Variants in PACRG observed in about 807,000 individuals in gnomAD.
The protein encoded by PACRG is parkin coregulated gene protein.
PACRG carries 29 observed loss-of-function variants against 29.7 expected under a neutral mutation model. That is an observed-to-expected ratio of 0.98 (90% CI 0.73 to 1.33). The LOEUF (loss-of-function observed/expected upper bound fraction) is 1.33, where lower values mean the gene tolerates loss of function less well. Ranked by LOEUF, PACRG falls within the 40% of genes most tolerant of loss-of-function variation. The pLI is 0.00. For synonymous variants in PACRG, 116 were observed against 118.7 expected (o/e 0.98, Z 0.15); for missense variants, 279 against 316.2 (o/e 0.88, Z 0.89).
chr6:163,217,075 G>T (rs929813392), intron 4 of PACRG, among the ~76,000 whole-genome samples: 4 of 152,218 alleles, frequency 2.6e-5, no homozygotes, highest in Non-Finnish European at 4.4e-5. Context: ...AACTTCCGTT[G>T]AGTCCTAATA....
chr6:162,796,259 CT>C (rs1424366757), intron 1 of PACRG, among the ~76,000 whole-genome samples: 1 of 152,108 alleles, frequency 6.6e-6, no homozygotes, highest in Non-Finnish European at 1.5e-5. Flanking sequence ...CATTTTCAAT[CT>C]CTCTGGGTCA....
At chr6:163,002,772 T>C (rs543299525) in intron 2 of PACRG, among the ~76,000 whole-genome samples, 1 of 152,202 alleles carries the variant, frequency 6.6e-6, no homozygotes, top group South Asian at 2.1e-4. Flanking sequence ...GAAAGTGTTT[T>C]CTTGCATTCA....
intron 4 of PACRG, among the ~76,000 whole-genome samples, chr6:163,312,621 G>T (rs1247816892): frequency 6.6e-6 from 1 of 151,416 alleles, no homozygotes; most frequent in Non-Finnish European, 1.5e-5. Flanking sequence ...CAGAAAAACC[G>T]GTGGACTTCA....
chr6:162,832,813 CT>C (rs11310965), intron 2 of PACRG, among the ~76,000 whole-genome samples: 70,427 of 144,176 alleles, frequency 0.49, 17,866 homozygotes, highest in African/African-American at 0.7. Flanking sequence ...TAAAAGCAGT[CT>C]TTTTTTTTTT....
At chr6:162,948,240 A>G (rs546939232) in intron 2 of PACRG, among the ~76,000 whole-genome samples, 1 of 152,256 alleles carries the variant, frequency 6.6e-6, no homozygotes, top group African/African-American at 2.4e-5. Flanking sequence ...AAATAAATCT[A>G]TGTGTTTACA....
intron 1 of PACRG, among the ~76,000 whole-genome samples, chr6:162,747,007 G>T (rs1023464668): frequency 2.6e-5 from 4 of 151,992 alleles, no homozygotes; most frequent in Non-Finnish European, 5.9e-5. Context: ...AACCAGAAAT[G>T]TTGGGAGGTG....
Position 163,062,313 on chromosome 6 carries a change from C to A in PACRG, c.455C>A (p.Pro152Gln). 2 of 1,607,804 alleles carry A rather than the reference C, an allele frequency of 1.2e-6. No individual in the cohort carries two copies. Among genetic ancestry groups the A allele is most frequent in the Non-Finnish European group, 1.7e-6 (2 of 1,178,010 alleles). The change falls in exon 3 of 5, where the codon CCG (proline) becomes CAG (glutamine). Residue 152 changes from proline to glutamine, a missense_variant. By Grantham distance (76) the Pro-to-Gln change is moderately conservative. Coordinates refer to ENST00000366888, the MANE Select transcript of PACRG (RefSeq NM_001080379.2). Reference protein sequence around the residue: ...ILPVLPQLIIPIKNALNLRNR... With the variant: ...ILPVLPQLIIQIKNALNLRNR... Reference sequence around the variant, plus strand: ...CCTGTCCTTCCACAGCTCATTATCCCGATAAAAAGTAAGTGAACCGGTGAA... The same window carrying A: ...CCTGTCCTTCCACAGCTCATTATCCAGATAAAAAGTAAGTGAACCGGTGAA...
intron 4 of PACRG, among the ~76,000 whole-genome samples, chr6:163,296,451 C>G (rs920367925): frequency 2.6e-5 from 4 of 152,170 alleles, no homozygotes; most frequent in African/African-American, 7.2e-5. Context: ...CCCGCCACCA[C>G]GCCCGGCTAA....
chr6:162,755,376 C>T (rs1781828532), intron 1 of PACRG, among the ~76,000 whole-genome samples: 1 of 151,942 alleles, frequency 6.6e-6, no homozygotes, highest in African/African-American at 2.4e-5. Flanking sequence ...TGAGGTATGA[C>T]ATTAGATTGT....
At chr6:163,276,771 C>T (rs1424107437) in intron 4 of PACRG, among the ~76,000 whole-genome samples, 1 of 152,144 alleles carries the variant, frequency 6.6e-6, no homozygotes, top group African/African-American at 2.4e-5. Context: ...CACATAGAAG[C>T]AACCATCTAT....
chr6:163,125,178 T>C (rs1437475109), intron 4 of PACRG, among the ~76,000 whole-genome samples: 1 of 152,230 alleles, frequency 6.6e-6, no homozygotes, highest in East Asian at 1.9e-4. Flanking sequence ...TAAATGAAAT[T>C]GAGTTAATTG....
chr6:163,216,659 G>A (rs182014459), intron 4 of PACRG, among the ~76,000 whole-genome samples: 12 of 152,166 alleles, frequency 7.9e-5, no homozygotes, highest in African/African-American at 2.6e-4. Flanking sequence ...CCCAGCCCCC[G>A]TACACACATG....
intron 4 of PACRG, among the ~76,000 whole-genome samples, chr6:163,248,413 G>T (rs1782773002): frequency 1.3e-5 from 2 of 149,292 alleles, no homozygotes. Context: ...GGGGCAAGAG[G>T]GGAGTGCATA....
intron 2 of PACRG, among the ~76,000 whole-genome samples, chr6:162,889,485 C>T (rs562166774): frequency 7.2e-5 from 11 of 152,276 alleles, no homozygotes; most frequent in African/African-American, 2.2e-4. Context: ...CAGGGATATC[C>T]GTTCTACAAT....
intron 3 of PACRG, among the ~76,000 whole-genome samples, chr6:163,084,961 G>A (rs1394983461): frequency 3.4e-5 from 5 of 148,634 alleles, no homozygotes; most frequent in African/African-American, 1.2e-4. Context: ...AGCATACCCA[G>A]GCTGTTTTAT....
At chr6:162,760,801 G>A (rs569566363) in intron 1 of PACRG, among the ~76,000 whole-genome samples, 2 of 152,242 alleles carry the variant, frequency 1.3e-5, no homozygotes, top group South Asian at 4.2e-4. Flanking sequence ...CATGGTGAAA[G>A]GATCACTCCA....
chr6:162,909,352 G>A (rs1425422716), intron 2 of PACRG, among the ~76,000 whole-genome samples: 1 of 151,910 alleles, frequency 6.6e-6, no homozygotes, highest in Non-Finnish European at 1.5e-5. Flanking sequence ...TCAGGAGATC[G>A]AGACCATCCT....
chr6:162,754,240 C>G (rs1296375748), intron 1 of PACRG, among the ~76,000 whole-genome samples: 2 of 152,092 alleles, frequency 1.3e-5, no homozygotes, highest in African/African-American at 4.8e-5. Context: ...ATTAGTGATG[C>G]TGAGAATTTT....
chr6:163,169,049 T>C (rs1778947399), intron 4 of PACRG, among the ~76,000 whole-genome samples: 1 of 152,262 alleles, frequency 6.6e-6, no homozygotes. Flanking sequence ...GGGGTCCACA[T>C]GGTCCTAATT....
Sources: gnomAD v4.1 joint callset for allele counts (sites outside exome capture counted in the v4.1 genomes callset) on GRCh38, gnomAD v4.1.1 for gene constraint, MANE v1.5 for transcripts, NCBI Gene and HGNC (gene_info 2026-07-23, HGNC 2026-07-21) for gene names.